GALNTL6: variants seen among roughly 807,000 people sequenced by gnomAD.
The protein encoded by GALNTL6 is polypeptide N-acetylgalactosaminyltransferase-like 6.
GALNTL6 carries 46 observed loss-of-function variants against 73.7 expected under a neutral mutation model. That is an observed-to-expected ratio of 0.62 (90% CI 0.49 to 0.80). The LOEUF (loss-of-function observed/expected upper bound fraction) is 0.80. Ranked by LOEUF, GALNTL6 falls within the 30% of genes least tolerant of loss-of-function variation. The probability of loss-of-function intolerance (pLI) is 0.00; values close to 1 mark genes in which losing one functional copy is unlikely to be tolerated. For synonymous variants in GALNTL6, 259 were observed against 263.7 expected, an observed-to-expected ratio of 0.98 and a Z score of 0.17; for missense variants, 604 against 755.0, an observed-to-expected ratio of 0.80 and a Z score of 2.34.
chr4:172,169,643 C>T (rs1240126139), intron 2 of GALNTL6, among the ~76,000 whole-genome samples: 2 of 152,076 alleles, frequency 1.3e-5, no homozygotes, highest in African/African-American at 2.4e-5. Flanking sequence ...CTAATACATA[C>T]ACAACTCATA....
At position 172,809,347 on chromosome 4, in the gene GALNTL6, T is replaced by C. The variant is rs753166872; in HGVS notation, c.554-14T>C. On this transcript the variant is annotated splice_polypyrimidine_tract_variant and intron_variant, in intron 5 of 12. Transcript: ENST00000506823. This position sits in a 1 kb window ranked among gnomAD's most constrained non-coding sequence, Gnocchi z 4.4. Reference sequence around the variant, plus strand: ...TTTTGCGTTTTTTCTATGCATTCTCTACTTCCTACCTAGAACACCTGAAGG... The same window carrying C: ...TTTTGCGTTTTTTCTATGCATTCTCCACTTCCTACCTAGAACACCTGAAGG... 2 of 1,610,804 alleles carry C rather than the reference T, an allele frequency of 1.2e-6. No homozygotes were observed. Among genetic ancestry groups the C allele is most frequent in the Non-Finnish European group, 1.7e-6 (2 of 1,177,960 alleles).
chr4:171,988,348 T>A (rs958718914), intron 2 of GALNTL6, among the ~76,000 whole-genome samples: 23 of 152,238 alleles, frequency 1.5e-4, no homozygotes, highest in East Asian at 3.9e-4. Flanking sequence ...GTAACAGATG[T>A]GGATGAAATT....
chr4:171,822,083 G>A (rs4396959), intron 2 of GALNTL6, among the ~76,000 whole-genome samples: 58,254 of 151,906 alleles, frequency 0.38, 13,819 homozygotes, highest in Admixed American at 0.55. Context: ...GTCAATATAA[G>A]CATTTTTTTT....
intron 2 of GALNTL6, among the ~76,000 whole-genome samples, chr4:171,959,156 A>G (rs1196950017): frequency 6.6e-6 from 1 of 152,176 alleles, no homozygotes; most frequent in Admixed American, 6.6e-5. Flanking sequence ...AACCAATTAG[A>G]AAGACTATCA....
At chr4:172,628,004 G>A (rs1210140421) in intron 5 of GALNTL6, among the ~76,000 whole-genome samples, 1 of 151,620 alleles carries the variant, frequency 6.6e-6, no homozygotes, top group Non-Finnish European at 1.5e-5. Flanking sequence ...ATTTCTCTCA[G>A]TTCTGCTCTG....
At chr4:171,820,569 G>A (rs1734652069) in intron 2 of GALNTL6, among the ~76,000 whole-genome samples, 1 of 152,020 alleles carries the variant, frequency 6.6e-6, no homozygotes, top group African/African-American at 2.4e-5. Context: ...CCATTGCTTT[G>A]AATCCACAAT....
chr4:172,380,117 T>G, intron 5 of GALNTL6: 2 of 1,006,032 alleles, frequency 2.0e-6, no homozygotes, highest in Non-Finnish European at 3.2e-6. Context: ...CTCCTCTGCA[T>G]CATTTGCTAA....
intron 5 of GALNTL6, among the ~76,000 whole-genome samples, chr4:172,789,730 A>T (rs1380016412): frequency 2.0e-5 from 3 of 152,178 alleles, no homozygotes; most frequent in Non-Finnish European, 4.4e-5. Flanking sequence ...TTCCCCCAGG[A>T]TATAGGGCAG....
At chr4:172,102,836 A>G (rs1420568626) in intron 2 of GALNTL6, among the ~76,000 whole-genome samples, 1 of 152,172 alleles carries the variant, frequency 6.6e-6, no homozygotes, top group Non-Finnish European at 1.5e-5. Flanking sequence ...CCTCACTGTC[A>G]TGGGAACTTG....
At chr4:172,569,659 G>A (rs1405751958) in intron 5 of GALNTL6, among the ~76,000 whole-genome samples, 1 of 151,996 alleles carries the variant, frequency 6.6e-6, no homozygotes, top group Non-Finnish European at 1.5e-5. Flanking sequence ...TGAAATAAGG[G>A]AACATCAAAG....
chr4:172,586,382 A>G (rs777430609), intron 5 of GALNTL6, among the ~76,000 whole-genome samples: 1 of 152,146 alleles, frequency 6.6e-6, no homozygotes, highest in East Asian at 1.9e-4. Flanking sequence ...CTGGATTGCA[A>G]CAATTCAAGA....
chr4:171,967,449 T>TTTTTTTTTGTTG (rs1560863079), intron 2 of GALNTL6, among the ~76,000 whole-genome samples: 1 of 120,356 alleles, frequency 8.3e-6, no homozygotes, highest in Non-Finnish European at 1.6e-5. Context: ...CCCTATGGGT[T>TTTTTTTTTGTTG]TTTTTTTTTT....
chr4:172,981,511 T>C (rs935684121), intron 10 of GALNTL6, among the ~76,000 whole-genome samples: 1 of 152,232 alleles, frequency 6.6e-6, no homozygotes, highest in Admixed American at 6.5e-5. Context: ...ATTTCTTCTT[T>C]GGAGAGATGT....
At chr4:172,662,795 A>C (rs917477649) in intron 5 of GALNTL6, among the ~76,000 whole-genome samples, 28 of 152,326 alleles carry the variant, frequency 1.8e-4, no homozygotes, top group African/African-American at 6.5e-4. Context: ...GCAACCAAAA[A>C]AATAATTTCA....
At chr4:172,156,579 T>C (rs1400055842) in intron 2 of GALNTL6, among the ~76,000 whole-genome samples, 1 of 143,768 alleles carries the variant, frequency 7.0e-6, no homozygotes, top group East Asian at 2.0e-4. Context: ...ATACTATATA[T>C]ATATAGTATA....
At chr4:172,215,881 AAT>A (rs1736481491) in intron 2 of GALNTL6, among the ~76,000 whole-genome samples, 1 of 152,076 alleles carries the variant, frequency 6.6e-6, no homozygotes, top group Admixed American at 6.6e-5. Context: ...TTACATTTTT[AAT>A]AGTTACTCGA....
At chr4:172,853,152 G>A (rs1743929713) in intron 7 of GALNTL6, among the ~76,000 whole-genome samples, 2 of 152,166 alleles carry the variant, frequency 1.3e-5, no homozygotes, top group Non-Finnish European at 2.9e-5. Flanking sequence ...ACAGGCCAAG[G>A]TTGTAGTCCC....
At chr4:172,260,445 C>CA (rs1738219515) in intron 3 of GALNTL6, among the ~76,000 whole-genome samples, 1 of 151,654 alleles carries the variant, frequency 6.6e-6, no homozygotes, top group Admixed American at 6.6e-5. Context: ...GATTTGTGTA[C>CA]ATTGATTTTG....
intron 5 of GALNTL6, among the ~76,000 whole-genome samples, chr4:172,714,832 T>C (rs1560899842): frequency 6.6e-6 from 1 of 152,134 alleles, no homozygotes; most frequent in African/African-American, 2.4e-5. Context: ...GAAGACTTTA[T>C]GATAAACACT....
Sources: gnomAD v4.1 joint callset for allele counts (sites outside exome capture counted in the v4.1 genomes callset) on GRCh38, gnomAD v4.1.1 for gene constraint, Gnocchi (gnomAD v3.1) non-coding constraint, MANE v1.5 for transcripts, NCBI Gene and HGNC (gene_info 2026-07-23, HGNC 2026-07-21) for gene names.